The following SORL1 variants were observed in gnomAD, a reference collection of about 807,000 sequenced individuals.
The protein encoded by SORL1 is sortilin related receptor 1, also known as sortilin-related receptor.
SORL1 carries 127 observed loss-of-function variants against 273.7 expected under a neutral mutation model. The observed-to-expected ratio is 0.46, with a 90% confidence interval of 0.40 to 0.54. The LOEUF (loss-of-function observed/expected upper bound fraction) is 0.54. SORL1 is among the 20% of genes least tolerant of loss of function. The pLI, the probability that SORL1 is intolerant of heterozygous loss-of-function variation, is 0.00. For synonymous variants in SORL1, 1,031 were observed against 1,067.4 expected (o/e 0.97, Z 0.66); for missense variants, 2,494 against 2,846.1 (o/e 0.88, Z 2.81).
rs1478340884 is a variant in SORL1 at position 121,452,504 on chromosome 11, T to G, written c.173T>G (p.Leu58Arg). The change falls in exon 1 of 48, where the codon CTG (leucine) becomes CGG (arginine). Residue 58 changes from leucine (L) to arginine (R), a missense_variant. Leu to Arg is a moderately radical substitution (Grantham distance 102). Coordinates refer to ENST00000260197, the MANE Select transcript of SORL1 (RefSeq NM_003105.6). This position sits in a 1 kb window ranked among gnomAD's most constrained non-coding sequence, Gnocchi z 5.3. ...FLVVQGDPRE[L>R]RLWARGDARG... ...GTGGTGCAGGGCGACCCGCGCGAGC[T>G]GCGGCTGTGGGCGCGCGGGGATGCC... 4 of 1,479,484 alleles carry G rather than the reference T, an allele frequency of 2.7e-6. No homozygotes were observed. The allele number at this position is 1,479,484 out of a possible 1,614,324, so 91.6% of individuals were successfully genotyped here. A position where few individuals can be genotyped will look rare whatever the true frequency, so the allele number is the denominator to read the frequency against.
intron 27 of SORL1, 78 bp from the exon 28 acceptor site, chr11:121,587,942 G>GGTCACCCCTTT: frequency 6.4e-7 from 1 of 1,566,702 alleles, no homozygotes; most frequent in Non-Finnish European, 8.7e-7. Flanking sequence ...ATCTGTACTC[G>GGTCACCCCTTT]TGTGCACTTG....
At chr11:121,567,336 T>C (rs1447180368) in intron 22 of SORL1, among the ~76,000 whole-genome samples, 1 of 152,270 alleles carries the variant, frequency 6.6e-6, no homozygotes, top group East Asian at 1.9e-4. Context: ...AACAGGCCTA[T>C]GCTGTACCTT....
chr11:121,483,140 C>T (rs894586737), intron 3 of SORL1, among the ~76,000 whole-genome samples: 18 of 152,334 alleles, frequency 1.2e-4, no homozygotes, highest in African/African-American at 4.3e-4. Context: ...TGCCATACAT[C>T]CTGGGCACAA....
At chr11:121,505,209 A>G (rs1861770045) in intron 6 of SORL1, among the ~76,000 whole-genome samples, 1 of 151,880 alleles carries the variant, frequency 6.6e-6, no homozygotes. Flanking sequence ...TAATTTGTTC[A>G]TTTATTCTAG....
At chr11:121,536,589 T>C (rs954392848) in intron 12 of SORL1, among the ~76,000 whole-genome samples, 3 of 151,210 alleles carry the variant, frequency 2.0e-5, no homozygotes, top group Non-Finnish European at 4.4e-5. Context: ...TTTTTTTTTT[T>C]GGTAGAGACA....
chr11:121,601,130 A>G (rs1863384431), intron 32 of SORL1, among the ~76,000 whole-genome samples: 1 of 145,654 alleles, frequency 6.9e-6, no homozygotes, highest in South Asian at 2.2e-4. Context: ...CCCACCTATG[A>G]GTGAGAATAT....
intron 6 of SORL1, among the ~76,000 whole-genome samples, chr11:121,502,124 C>CTTCTTTTTT (rs1861718795): frequency 1.5e-5 from 1 of 65,176 alleles, no homozygotes; most frequent in Non-Finnish European, 3.1e-5. Context: ...TGTGACAATT[C>CTTCTTTTTT]TTTTTTTTTT....
At chr11:121,456,129 A>T (rs1336919375) in intron 1 of SORL1, among the ~76,000 whole-genome samples, 1 of 152,114 alleles carries the variant, frequency 6.6e-6, no homozygotes, top group Non-Finnish European at 1.5e-5. Context: ...CTGCGCCATC[A>T]TACCTGCTTT....
intron 1 of SORL1, among the ~76,000 whole-genome samples, chr11:121,466,170 T>C (rs889040313): frequency 5.3e-5 from 8 of 152,204 alleles, no homozygotes; most frequent in African/African-American, 1.9e-4. Flanking sequence ...GCTCCAGCTA[T>C]GCCCTGTGAG....
intron 31 of SORL1, 139 bp downstream of exon 31, chr11:121,591,295 C>G: frequency 2.5e-6 from 2 of 799,606 alleles, no homozygotes; most frequent in Non-Finnish European, 4.1e-6. Context: ...TTGCCTGTTA[C>G]TAATGGTGTA....
intron 3 of SORL1, among the ~76,000 whole-genome samples, chr11:121,478,448 A>G (rs1591553361): frequency 6.6e-6 from 1 of 152,318 alleles, no homozygotes; most frequent in Non-Finnish European, 1.5e-5. Context: ...CAGGCCAAGG[A>G]CTGGTCAGGC....
chr11:121,572,928 A>G (rs1434769583), intron 23 of SORL1, among the ~76,000 whole-genome samples: 2 of 152,064 alleles, frequency 1.3e-5, no homozygotes, highest in Admixed American at 1.3e-4. Context: ...CAGCATTGCT[A>G]TTTGGCATTT....
At chr11:121,474,319 C>T (rs768017447) in intron 2 of SORL1, among the ~76,000 whole-genome samples, 5 of 142,262 alleles carry the variant, frequency 3.5e-5, no homozygotes, top group Non-Finnish European at 6.1e-5. Flanking sequence ...AGTGTCTTGC[C>T]GGGGCCAGGG....
Position 121,563,589 on chromosome 11 carries a change from T to C in SORL1, c.3050-3351T>C, listed in dbSNP as rs1185532179. On this transcript the variant is annotated intron_variant, in intron 21 of 47. Coordinates refer to ENST00000260197, the MANE Select transcript of SORL1 (RefSeq NM_003105.6). This position sits in a 1 kb window ranked among gnomAD's most constrained non-coding sequence, Gnocchi z 4.2. ...TTTTTGTATTTTAGTAGAGATTGGG[T>C]TTCACCATGTTGCCCAGGCTGGTCT... 6.6e-6 allele frequency among the ~76,000 whole-genome samples: 1 copy of C among 152,146 alleles called. No homozygotes were observed. Among genetic ancestry groups the C allele is most frequent in the Non-Finnish European group, 1.5e-5 (1 of 68,022 alleles).
intron 25 of SORL1, among the ~76,000 whole-genome samples, chr11:121,580,108 G>A (rs1484310166): frequency 2.0e-5 from 3 of 152,080 alleles, no homozygotes; most frequent in Non-Finnish European, 2.9e-5. Context: ...TACCTACCTA[G>A]GTGTGGAATT....
intron 1 of SORL1, among the ~76,000 whole-genome samples, chr11:121,460,046 T>G (rs535556856): frequency 9.8e-5 from 15 of 152,340 alleles, no homozygotes; most frequent in Admixed American, 3.9e-4. Context: ...CAGGCTGATG[T>G]GATTATATCC....
chr11:121,503,188 A>G (rs902715813), intron 6 of SORL1, among the ~76,000 whole-genome samples: 8 of 152,052 alleles, frequency 5.3e-5, no homozygotes, highest in African/African-American at 1.9e-4. Flanking sequence ...AATTTTGATG[A>G]AGTTCAGTTT....
chr11:121,485,574 A>G (rs1861461491), intron 3 of SORL1, among the ~76,000 whole-genome samples: 1 of 152,222 alleles, frequency 6.6e-6, no homozygotes, highest in African/African-American at 2.4e-5. Context: ...ACGTTTAGCT[A>G]TTACCATGGA....
intron 12 of SORL1, among the ~76,000 whole-genome samples, chr11:121,539,027 T>C (rs1862308655): frequency 6.6e-6 from 1 of 152,130 alleles, no homozygotes; most frequent in Admixed American, 6.5e-5. Context: ...CTTTGCAAAT[T>C]TGGCAGATTC....
Sources: gnomAD v4.1 joint callset for allele counts (sites outside exome capture counted in the v4.1 genomes callset) on GRCh38, gnomAD v4.1.1 for gene constraint, Gnocchi (gnomAD v3.1) non-coding constraint, MANE v1.5 for transcripts, NCBI Gene and HGNC (gene_info 2026-07-23, HGNC 2026-07-21) for gene names.